PREX2: variants seen among roughly 807,000 people sequenced by gnomAD.
The protein encoded by PREX2 is phosphatidylinositol-3,4,5-trisphosphate dependent Rac exchange factor 2.
A neutral mutation model predicts 203.2 loss-of-function variants in PREX2; 107 were observed. The observed-to-expected ratio is 0.53, with a 90% CI of 0.45 to 0.62. PREX2 has a LOEUF of 0.62. Among genes scored for constraint, PREX2 ranks in the 20% least tolerant of loss-of-function variants. The pLI is 0.00. For missense variants in PREX2, 1,777 were observed against 1,955.9 expected, an observed-to-expected ratio of 0.91 and a Z score of 1.72; for synonymous variants, 672 against 663.6, an observed-to-expected ratio of 1.01 and a Z score of -0.19.
In PREX2 at chr8:68,231,417, A is replaced by T. The variant is rs755861917; in HGVS notation, c.*39A>T. The T allele has an allele frequency of 1.3e-6, 2 of 1,566,596 alleles. No homozygotes were observed. Among genetic ancestry groups the T allele is most frequent in the Admixed American group, 3.7e-5 (2 of 54,472 alleles). ...GAAACCAGGCAGGCAGAAGCTCCTGAATGCTGGACTAGACAAACTACATGC... is the reference window on the plus strand; with the variant it reads ...GAAACCAGGCAGGCAGAAGCTCCTGTATGCTGGACTAGACAAACTACATGC... On this transcript the variant is annotated 3_prime_UTR_variant, in exon 40 of 40. Transcript: ENST00000288368.
At chr8:68,217,534 AT>A (rs1211288225) in intron 37 of PREX2, 81 bp from the exon 38 acceptor site, 2 of 990,178 alleles carry the variant, frequency 2.0e-6, no homozygotes, top group African/African-American at 3.2e-5. Context: ...GTGCTTTCTG[AT>A]TTTGTGATTA....
intron 1 of PREX2, among the ~76,000 whole-genome samples, chr8:67,980,825 G>C (rs1469698477): frequency 2.0e-5 from 3 of 152,202 alleles, no homozygotes; most frequent in Non-Finnish European, 4.4e-5. Flanking sequence ...CTTCTGTCAT[G>C]ATCGTAAGTT....
chr8:68,192,219 C>G, intron 36 of PREX2, 116 bp from the exon 37 acceptor site: 1 of 734,488 alleles, frequency 1.4e-6, no homozygotes, highest in Non-Finnish European at 2.2e-6. Context: ...GTCTCTAATT[C>G]CATTACCACC....
In PREX2 at chr8:68,120,287, G is replaced by A; in HGVS notation, c.3595+1G>A. On this transcript the variant is annotated splice_donor_variant, in intron 29 of 39. Transcript: ENST00000288368. LOFTEE classifies it high-confidence loss of function. ...CTCACTCCAGGCCGAGGATTGCAAGGTAAGCCTTGAAAAATTAACTAGTAG... is the reference window on the plus strand; with the variant it reads ...CTCACTCCAGGCCGAGGATTGCAAGATAAGCCTTGAAAAATTAACTAGTAG... 2.5e-6 allele frequency: 4 copies of A among 1,611,630 alleles called. No homozygotes were observed. Among genetic ancestry groups the A allele is most frequent in the Non-Finnish European group, 3.4e-6 (4 of 1,177,872 alleles).
chr8:68,038,732 C>T (rs1808108474), intron 7 of PREX2, among the ~76,000 whole-genome samples: 1 of 152,112 alleles, frequency 6.6e-6, no homozygotes, highest in Non-Finnish European at 1.5e-5. Context: ...CTTTATAGAA[C>T]ACGTAATATC....
chr8:68,178,247 G>A (rs988816189), intron 35 of PREX2, among the ~76,000 whole-genome samples: 5 of 152,152 alleles, frequency 3.3e-5, no homozygotes, highest in African/African-American at 1.2e-4. Context: ...CACCAACAGT[G>A]TAAAAGTGTT....
In PREX2 at chr8:68,017,869, G is replaced by T; in HGVS notation, c.165G>T (p.Gln55His). ...AGGCATTCTTACACAGAATGAACCA[G>T]TGTGCAGCATCAAAAGTTGACAAAA... ...LVSAFLHRMNQCAASKVDKNV... is the reference protein window; with the variant it reads ...LVSAFLHRMNHCAASKVDKNV... Residue 55 changes from glutamine (Q) to histidine (H), a missense_variant, in exon 2 of 40, where the codon CAG becomes CAT. By Grantham distance (24) the Gln-to-His change is conservative. Transcript: ENST00000288368. The T allele has an allele frequency of 6.2e-7, 1 of 1,612,910 alleles. No individual in the cohort carries two copies. Among genetic ancestry groups the T allele is most frequent in the Non-Finnish European group, 8.5e-7 (1 of 1,179,268 alleles).
At chr8:68,214,375 G>A (rs765732920) in intron 37 of PREX2, among the ~76,000 whole-genome samples, 1 of 152,238 alleles carries the variant, frequency 6.6e-6, no homozygotes, top group Non-Finnish European at 1.5e-5. Context: ...ATTCCAGCCT[G>A]GGCAACAGAG....
At chr8:68,073,406 TTTC>T (rs1406920572) in intron 14 of PREX2, among the ~76,000 whole-genome samples, 1 of 152,066 alleles carries the variant, frequency 6.6e-6, no homozygotes, top group African/African-American at 2.4e-5. Flanking sequence ...GGTGGCTTGC[TTTC>T]TTTGTTTCAA....
intron 7 of PREX2, among the ~76,000 whole-genome samples, chr8:68,040,952 T>A (rs1808178240): frequency 1.3e-5 from 2 of 152,318 alleles, no homozygotes; most frequent in South Asian, 2.1e-4. Context: ...ATGAATATAC[T>A]TTTTTCTTGA....
chr8:68,147,106 G>A (rs922016695), intron 34 of PREX2, among the ~76,000 whole-genome samples: 3 of 152,082 alleles, frequency 2.0e-5, no homozygotes, highest in Non-Finnish European at 4.4e-5. Flanking sequence ...CATGTCACAA[G>A]ATTGTATCAG....
chr8:68,119,615 C>G (rs1360611580), intron 28 of PREX2, 101 bp downstream of exon 28: 2 of 797,596 alleles, frequency 2.5e-6, no homozygotes, highest in Non-Finnish European at 4.3e-6. Flanking sequence ...ACAGAAAGGC[C>G]TCAATCTGTC....
In PREX2 at chr8:68,168,258, G is replaced by A. The variant is rs1258032006; in HGVS notation, c.4346+10822G>A. On this transcript the variant is annotated intron_variant, in intron 35 of 39. Coordinates refer to ENST00000288368, the MANE Select transcript of PREX2 (RefSeq NM_024870.4). ...ACAAATATATGTGTAGTGCATTAAAGCTTTTAGGTATAACTAGCAGGGAGA... is the reference window on the plus strand; with the variant it reads ...ACAAATATATGTGTAGTGCATTAAAACTTTTAGGTATAACTAGCAGGGAGA... 2.0e-5 allele frequency among the ~76,000 whole-genome samples: 3 copies of A among 152,144 alleles called. No homozygotes were observed. In the East Asian group the frequency reaches 5.8e-4, roughly 29 times the overall value.
chr8:68,102,814 G>A (rs771747368), intron 23 of PREX2: 1 of 518,276 alleles, frequency 1.9e-6, no homozygotes, highest in East Asian at 5.5e-5. Context: ...CTGGCTGGTT[G>A]TACAGGCCAC....
chr8:67,965,202 CT>C (rs775631206), intron 1 of PREX2, among the ~76,000 whole-genome samples: 4 of 152,148 alleles, frequency 2.6e-5, no homozygotes, highest in Admixed American at 2.6e-4. Flanking sequence ...AGGAGTTTCC[CT>C]CACAGAAATA....
At chr8:68,092,093 C>T (rs937782967) in intron 20 of PREX2, among the ~76,000 whole-genome samples, 1 of 152,120 alleles carries the variant, frequency 6.6e-6, no homozygotes, top group Admixed American at 6.5e-5. Flanking sequence ...GGCAGGTCAC[C>T]CTCCAGAGCA....
Position 68,083,322 on chromosome 8 carries a change from G to C in PREX2, c.1961G>C (p.Cys654Ser). 6.2e-7 allele frequency: 1 copy of C among 1,611,328 alleles called. No homozygotes were observed. Among genetic ancestry groups the C allele is most frequent in the Non-Finnish European group, 8.5e-7 (1 of 1,178,052 alleles). Residue 654 changes from cysteine (C) to serine (S), a missense_variant, in exon 18 of 40, where the codon TGC becomes TCC. Transcript: ENST00000288368. The part of the protein sequence containing the change: ...VFMRPFNEVD[C>S]FLKSCLNSRK... ...ATGAGACCTTTCAATGAAGTGGATTGCTTCCTGAAATCGTGTTTAAACAGC... is the reference window on the plus strand; with the variant it reads ...ATGAGACCTTTCAATGAAGTGGATTCCTTCCTGAAATCGTGTTTAAACAGC...
chr8:68,004,924 G>A (rs1034849989), intron 1 of PREX2, among the ~76,000 whole-genome samples: 2 of 152,144 alleles, frequency 1.3e-5, no homozygotes, highest in African/African-American at 2.4e-5. Context: ...AGATTTTAAT[G>A]AAGTAACAGG....
At chr8:68,000,408 A>G (rs1806906030) in intron 1 of PREX2, among the ~76,000 whole-genome samples, 1 of 152,186 alleles carries the variant, frequency 6.6e-6, no homozygotes, top group African/African-American at 2.4e-5. Context: ...AAAGATCTCT[A>G]CAATGGGAAT....
Sources: allele counts gnomAD v4.1 joint callset (sites outside exome capture counted in the v4.1 genomes callset), GRCh38; gene constraint gnomAD v4.1.1; transcripts MANE v1.5; gene names NCBI Gene and HGNC (gene_info 2026-07-23, HGNC 2026-07-21).